The following KLF12 variants were observed in gnomAD, a reference collection of about 807,000 sequenced individuals.
KLF12 encodes Krueppel-like factor 12.
In KLF12, 9 loss-of-function variants were observed where a neutral mutation model predicts 37.8. The observed-to-expected ratio is 0.24, with a 90% confidence interval of 0.14 to 0.42. The LOEUF (loss-of-function observed/expected upper bound fraction) is 0.42, where lower values mean the gene tolerates loss of function less well. KLF12 is among the 10% of genes least tolerant of loss of function. KLF12 has a pLI of 1.00. For missense variants in KLF12, 411 were observed against 516.0 expected (o/e 0.80, Z 1.97); for synonymous variants, 208 against 202.1 (o/e 1.03, Z -0.25).
the KLF12 span, chr13:74,289,066 T>C: frequency 6.6e-6 from 1 of 152,232 alleles, no homozygotes; most frequent in Non-Finnish European, 1.5e-5. Context: ...CCAGATAAAC[T>C]TAAAGGAATT....
the KLF12 span, among the ~76,000 whole-genome samples, chr13:74,199,316 T>C: frequency 6.6e-6 from 1 of 152,214 alleles, no homozygotes; most frequent in East Asian, 1.9e-4. Context: ...AGAAATGATA[T>C]ACTTCAATTC....
At chr13:74,053,292 C>T (rs989354019) in intron 1 of KLF12, among the ~76,000 whole-genome samples, 4 of 152,114 alleles carry the variant, frequency 2.6e-5, no homozygotes, top group Non-Finnish European at 4.4e-5. Flanking sequence ...ACTAAATATA[C>T]ATTCCTTGTA....
chr13:73,773,739 C>G (rs568739762), intron 5 of KLF12, among the ~76,000 whole-genome samples: 1 of 152,156 alleles, frequency 6.6e-6, no homozygotes, highest in Non-Finnish European at 1.5e-5. Context: ...AATCTCAACA[C>G]GGCCCGAATG....
At chr13:73,963,733 T>C (rs1891094189) in intron 2 of KLF12, among the ~76,000 whole-genome samples, 1 of 152,216 alleles carries the variant, frequency 6.6e-6, no homozygotes, top group African/African-American at 2.4e-5. Flanking sequence ...AAAATCTTAA[T>C]ATTTTGACAT....
chr13:74,076,686 T>C (rs992742891), intron 1 of KLF12, among the ~76,000 whole-genome samples: 1 of 152,192 alleles, frequency 6.6e-6, no homozygotes, highest in Non-Finnish European at 1.5e-5. Flanking sequence ...TGTGAAAGTT[T>C]GTTATATACG....
At chr13:74,201,358 C>CACATT in the KLF12 span, among the ~76,000 whole-genome samples, 1,102 of 152,282 alleles carry the variant, frequency 7.2e-3, 11 homozygotes, top group African/African-American at 0.023. Context: ...CAGAATGTGC[C>CACATT]TACGTAGGTA....
chr13:74,246,126 C>T, the KLF12 span, among the ~76,000 whole-genome samples: 1 of 152,182 alleles, frequency 6.6e-6, no homozygotes, highest in African/African-American at 2.4e-5. Context: ...ATTCCTAGAA[C>T]TCTAGTTATA....
chr13:74,270,726 T>C, the KLF12 span, among the ~76,000 whole-genome samples: 1 of 152,134 alleles, frequency 6.6e-6, no homozygotes, highest in African/African-American at 2.4e-5. Flanking sequence ...TTGTAGCTGG[T>C]TGGGTAGATG....
At chr13:73,790,609 T>C (rs1881630498) in intron 5 of KLF12, among the ~76,000 whole-genome samples, 1 of 152,250 alleles carries the variant, frequency 6.6e-6, no homozygotes, top group African/African-American at 2.4e-5. Flanking sequence ...ATCTGCTGCA[T>C]GCAGTGTTGC....
chr13:73,706,656 GC>G (rs1377347541), intron 7 of KLF12, among the ~76,000 whole-genome samples: 3 of 152,240 alleles, frequency 2.0e-5, no homozygotes, highest in Non-Finnish European at 4.4e-5. Context: ...GGTGATGCTT[GC>G]TGCATCCCCC....
chr13:73,893,698 C>G (rs1483795440), intron 3 of KLF12, among the ~76,000 whole-genome samples: 1 of 151,976 alleles, frequency 6.6e-6, no homozygotes, highest in Non-Finnish European at 1.5e-5. Context: ...TGATTGTTTA[C>G]TGTGTGCCAG....
chr13:73,903,152 T>TC (rs1888113383), intron 3 of KLF12, among the ~76,000 whole-genome samples: 1 of 152,250 alleles, frequency 6.6e-6, no homozygotes, highest in Non-Finnish European at 1.5e-5. Flanking sequence ...AAAGATATCT[T>TC]CTCACTTGGC....
chr13:73,928,925 C>T (rs1889534756), intron 3 of KLF12, among the ~76,000 whole-genome samples: 1 of 152,034 alleles, frequency 6.6e-6, no homozygotes, highest in Non-Finnish European at 1.5e-5. Flanking sequence ...TAAATAGTAC[C>T]CCCCATAGAC....
Position 73,845,984 on chromosome 13 carries a change from A to G in KLF12, c.513T>C (p.Ser171=). The change falls in exon 4 of 8, where the codon AGT becomes AGC. Residue 171 remains serine (S), a synonymous_variant. Transcript: ENST00000377669. Reference sequence around the variant, plus strand: ...GTTTGTTAGACTGTAAATTCATGGGACTTGAAGGCGGTACGGGATGGATAA... The same window carrying G: ...GTTTGTTAGACTGTAAATTCATGGGGCTTGAAGGCGGTACGGGATGGATAA... 2 of 1,614,088 alleles carry G rather than the reference A, an allele frequency of 1.2e-6. No homozygotes were observed. Among genetic ancestry groups the G allele is most frequent in the Non-Finnish European group, 1.7e-6 (2 of 1,179,992 alleles).
At chr13:73,891,980 T>C (rs1887526843) in intron 3 of KLF12, among the ~76,000 whole-genome samples, 1 of 152,100 alleles carries the variant, frequency 6.6e-6, no homozygotes, top group African/African-American at 2.4e-5. Flanking sequence ...GCTTCATCAC[T>C]ACTGCTGTAA....
the KLF12 span, among the ~76,000 whole-genome samples, chr13:74,203,429 A>G: frequency 3.3e-3 from 499 of 152,240 alleles, 3 homozygotes; most frequent in Middle Eastern, 0.014. Context: ...TTACATGAAG[A>G]GTAAAAAATC....
chr13:74,210,338 A>G, the KLF12 span, among the ~76,000 whole-genome samples: 4 of 152,314 alleles, frequency 2.6e-5, no homozygotes, highest in East Asian at 7.7e-4. Flanking sequence ...TCATCACCTC[A>G]AGTCTGAAGA....
intron 4 of KLF12, among the ~76,000 whole-genome samples, chr13:73,840,955 A>G (rs949983883): frequency 2.0e-5 from 3 of 152,168 alleles, no homozygotes; most frequent in African/African-American, 4.8e-5. Flanking sequence ...GGTCTTCCAC[A>G]GCTATTACTG....
At chr13:73,753,529 C>T (rs1878931498) in intron 6 of KLF12, among the ~76,000 whole-genome samples, 2 of 152,120 alleles carry the variant, frequency 1.3e-5, no homozygotes, top group African/African-American at 2.4e-5. Context: ...GAAGTGGGGG[C>T]CGCATTTGTC....
Sources: gnomAD v4.1 joint callset for allele counts (sites outside exome capture counted in the v4.1 genomes callset) on GRCh38, gnomAD v4.1.1 for gene constraint, MANE v1.5 for transcripts, NCBI Gene and HGNC (gene_info 2026-07-23, HGNC 2026-07-21) for gene names.